The following RB1 variants were observed in gnomAD, a reference collection of about 807,000 sequenced individuals.
RB1 encodes the protein RB transcriptional corepressor 1, also known as retinoblastoma-associated protein.
Under a neutral mutation model 135.4 loss-of-function variants are expected in RB1, and 18 were observed. That is an observed-to-expected ratio of 0.13 (90% CI 0.09 to 0.20). The LOEUF is 0.20. Ranked by LOEUF, RB1 falls within the 10% of genes least tolerant of loss-of-function variation. RB1 has a pLI of 1.00. For synonymous variants in RB1, 365 were observed against 373.2 expected (o/e 0.98, Z 0.25); for missense variants, 868 against 1,110.0 (o/e 0.78, Z 3.10).
In RB1 at chr13:48,349,078, G is replaced by C. The variant is rs553934083; in HGVS notation, c.607+55G>C. 3.3e-6 allele frequency: 5 copies of C among 1,528,846 alleles called. No homozygotes were observed. In the South Asian group the frequency reaches 5.9e-5, roughly 18 times the overall value. 94.7% of individuals were successfully genotyped at this position (1,528,846 alleles called of 1,614,324 possible). A position where few individuals can be genotyped will look rare whatever the true frequency, so the allele number is the denominator to read the frequency against. ...TATTTCAAATGTAATAATTAAATTG[G>C]CATTCCTTTGGACTAAATTCCCCAA... On this transcript the variant is annotated intron_variant, in intron 6 of 26. Transcript: ENST00000267163.
chr13:48,407,514 A>C (rs1948751019), intron 17 of RB1, among the ~76,000 whole-genome samples: 2 of 152,230 alleles, frequency 1.3e-5, no homozygotes, highest in South Asian at 4.1e-4. Context: ...TCTGACATCA[A>C]GTAAAAATGA....
chr13:48,452,332 T>C (rs1027189328), intron 17 of RB1, among the ~76,000 whole-genome samples: 6 of 152,162 alleles, frequency 3.9e-5, no homozygotes, highest in African/African-American at 1.4e-4. Context: ...CTTGATGTTT[T>C]ATTTATGGGA....
At position 48,329,884 on chromosome 13, in the gene RB1, T is replaced by C. The variant is rs190935278; in HGVS notation, c.265-12715T>C. Among the ~76,000 whole-genome samples, 845 of 152,276 alleles carry C rather than the reference T, an allele frequency of 5.5e-3. 5 individuals are homozygous for C. The highest frequency in any genetic ancestry group is 0.01 in the Middle Eastern group (3 of 294). ...CTACCATAGAAAGAATGCCTTTATA[T>C]TTGAGCATACATGGAACATTCTCCA... is the stretch of plus-strand genomic sequence containing the variant. On this transcript the variant is annotated intron_variant, in intron 2 of 26. Coordinates refer to ENST00000267163, the MANE Select transcript of RB1 (RefSeq NM_000321.3).
intron 23 of RB1, among the ~76,000 whole-genome samples, chr13:48,472,265 TTAAG>T (rs1566239498): frequency 6.6e-6 from 1 of 152,202 alleles, no homozygotes; most frequent in East Asian, 1.9e-4. Context: ...ATTTAATTAT[TTAAG>T]TAGTACGTAC....
At chr13:48,436,707 A>G (rs1566226545) in intron 17 of RB1, among the ~76,000 whole-genome samples, 1 of 152,142 alleles carries the variant, frequency 6.6e-6, no homozygotes, top group Non-Finnish European at 1.5e-5. Flanking sequence ...CTGCAGAAAT[A>G]TTAGTATTAA....
chr13:48,479,071 T>C (rs977686599), intron 26 of RB1, among the ~76,000 whole-genome samples: 2 of 151,764 alleles, frequency 1.3e-5, no homozygotes, highest in Non-Finnish European at 2.9e-5. Flanking sequence ...TACAAAAAAA[T>C]CCAAAAATTA....
At chr13:48,368,649 A>C in intron 11 of RB1, 45 bp downstream of exon 11, 3 of 1,590,812 alleles carry the variant, frequency 1.9e-6, no homozygotes, top group Non-Finnish European at 2.6e-6. Flanking sequence ...TTTGTTATTC[A>C]TGGCTTTATA....
intron 17 of RB1, among the ~76,000 whole-genome samples, chr13:48,414,526 G>A (rs1021914153): frequency 3.3e-5 from 5 of 152,066 alleles, no homozygotes; most frequent in Non-Finnish European, 7.4e-5. Flanking sequence ...GCTAGATCTA[G>A]TTATGCCTTA....
rs551029290 is a variant in RB1, at chr13:48,325,490, A to T, written c.265-17109A>T. Among the ~76,000 whole-genome samples the T allele has an allele frequency of 3.9e-5, 6 of 152,320 alleles. No individual in the cohort carries two copies. In the South Asian group the frequency reaches 8.3e-4, roughly 21 times the overall value. The stretch of plus-strand genomic sequence containing the variant: ...TAATTTTGGAATAGGCATTAGATTC[A>T]CATGGTTCAAGATTCAAACGAAAGA... On this transcript the variant is annotated intron_variant, in intron 2 of 26. Coordinates refer to ENST00000267163, the MANE Select transcript of RB1 (RefSeq NM_000321.3).
At chr13:48,463,260 A>G (rs756843239) in intron 20 of RB1, among the ~76,000 whole-genome samples, 25 of 152,366 alleles carry the variant, frequency 1.6e-4, no homozygotes, top group South Asian at 8.3e-4. Context: ...TATAACCAGC[A>G]TCCAGATCAA....
intron 19 of RB1, 130 bp from the exon 20 acceptor site, chr13:48,459,558 G>T: frequency 1.1e-6 from 1 of 890,504 alleles, no homozygotes; most frequent in East Asian, 2.5e-5. Flanking sequence ...AGAAAAGAGT[G>T]GTAGAAAAGA....
At chr13:48,359,076 T>A (rs182352062) in intron 6 of RB1, among the ~76,000 whole-genome samples, 1 of 152,244 alleles carries the variant, frequency 6.6e-6, no homozygotes, top group Non-Finnish European at 1.5e-5. Context: ...AGTCAGATAC[T>A]CAGAAAATAG....
chr13:48,312,649 A>G (rs1224613455), intron 2 of RB1, among the ~76,000 whole-genome samples: 1 of 152,220 alleles, frequency 6.6e-6, no homozygotes, highest in Non-Finnish European at 1.5e-5. Context: ...GTCTCAAGTT[A>G]TCTTTTTGCA....
intron 17 of RB1, among the ~76,000 whole-genome samples, chr13:48,433,631 CT>C (rs1356049713): frequency 6.6e-6 from 1 of 150,898 alleles, no homozygotes; most frequent in African/African-American, 2.4e-5. Flanking sequence ...ATAATTGTTT[CT>C]TGATAAAACT....
chr13:48,338,309 G>C (rs559445949), intron 2 of RB1, among the ~76,000 whole-genome samples: 1 of 152,284 alleles, frequency 6.6e-6, no homozygotes, highest in East Asian at 1.9e-4. Context: ...GTCACTTTCA[G>C]GTACACCAAT....
chr13:48,360,169 A>C, intron 7 of RB1, 42 bp downstream of exon 7: 1 of 1,608,962 alleles, frequency 6.2e-7, no homozygotes, highest in Non-Finnish European at 8.5e-7. Context: ...CTCATTCAGC[A>C]GTTGCTTATT....
intron 2 of RB1, among the ~76,000 whole-genome samples, chr13:48,340,169 C>T (rs940218322): frequency 1.3e-5 from 2 of 152,014 alleles, no homozygotes; most frequent in African/African-American, 4.8e-5. Context: ...AAGCATAGAC[C>T]TAAACTTCTA....
chr13:48,355,456 G>A (rs770590359), intron 6 of RB1, among the ~76,000 whole-genome samples: 19 of 151,988 alleles, frequency 1.3e-4, no homozygotes, highest in Non-Finnish European at 2.1e-4. Context: ...GAGAACCCCC[G>A]TACACTGTTG....
chr13:48,308,772 A>G (rs937261084), intron 2 of RB1, among the ~76,000 whole-genome samples: 1 of 152,238 alleles, frequency 6.6e-6, no homozygotes, highest in Non-Finnish European at 1.5e-5. Context: ...TTCATTTAAC[A>G]GATGAAGACA....
Sources: gnomAD v4.1 joint callset for allele counts (sites outside exome capture counted in the v4.1 genomes callset) on GRCh38, gnomAD v4.1.1 for gene constraint, MANE v1.5 for transcripts, NCBI Gene and HGNC (gene_info 2026-07-23, HGNC 2026-07-21) for gene names.